ABCB10: variants seen among roughly 807,000 people sequenced by gnomAD.
The protein encoded by ABCB10 is ATP-binding cassette sub-family B member 10, mitochondrial.
Under a neutral mutation model 65.4 loss-of-function variants are expected in ABCB10, and 54 were observed. The ratio of observed to expected loss-of-function variants is 0.83; its 90% CI spans 0.66 to 1.04. ABCB10 has a LOEUF of 1.04. ABCB10 is among the 50% of genes least tolerant of loss of function. ABCB10 has a pLI of 0.00. For missense variants in ABCB10, 846 were observed against 976.6 expected (o/e 0.87, Z 1.78); for synonymous variants, 418 against 406.5 (o/e 1.03, Z -0.34).
chr1:229,518,539 T>C (rs1662231276), intron 12 of ABCB10, 129 bp from the exon 13 acceptor site: 1 of 754,550 alleles, frequency 1.3e-6, no homozygotes, highest in Non-Finnish European at 2.2e-6. Flanking sequence ...TTTAGGACTT[T>C]CTGATCTCCA....
In ABCB10 at chr1:229,516,813, T is replaced by G. The variant is rs1662186323; in HGVS notation, c.*1366A>C. 1 of 152,222 alleles carries G rather than the reference T, an allele frequency of 6.6e-6. No homozygotes were observed. Among genetic ancestry groups the G allele is most frequent in the South Asian group, 2.1e-4 (1 of 4,838 alleles). 9.4% of individuals were successfully genotyped at this position (152,222 alleles called of 1,614,324 possible). A position where few individuals can be genotyped will look rare whatever the true frequency, so the allele number is the denominator to read the frequency against. On this transcript the variant is annotated 3_prime_UTR_variant, in exon 13 of 13. Coordinates refer to ENST00000344517, the MANE Select transcript of ABCB10 (RefSeq NM_012089.3). ...TTGTTAAAAATGATTGTCACAGATG[T>G]ACTGTTTACTAATTCAAAGAACACT...
At chr1:229,523,162 C>A (rs73097802) in intron 10 of ABCB10, among the ~76,000 whole-genome samples, 2,627 of 152,256 alleles carry the variant, frequency 0.017, 81 homozygotes, top group African/African-American at 0.059. Context: ...AGTGAGGGAA[C>A]AAACTGGAAG....
rs755794373 is a variant in ABCB10, at chr1:229,531,781, ACTGGCC to A, written c.1340-56_1340-51del. ...ACACATGTCCATCACTGGCACTGGC[ACTGGCC>A]ACCACTCCTCTGAGAGGAGTGACAA... On this transcript the variant is annotated intron_variant, in intron 6 of 12. Coordinates refer to ENST00000344517, the MANE Select transcript of ABCB10 (RefSeq NM_012089.3). 98 of 1,375,940 alleles carry A rather than the reference ACTGGCC, an allele frequency of 7.1e-5. 1 individual carries two copies. In the Admixed American group the frequency reaches 1.7e-3, roughly 24 times the overall value. The allele number at this position is 1,375,940 out of a possible 1,614,324, so 85.2% of individuals were successfully genotyped here. A position where few individuals can be genotyped will look rare whatever the true frequency, so the allele number is the denominator to read the frequency against.
chr1:229,530,356 G>A lies in ABCB10; in HGVS notation c.1488C>T (p.Asn496=), dbSNP rs763803057. ...GGCGAGCTGGATAGGCAAAATGCAC[G>A]TTCTTAAACTCCAAAGCACCCTGGA... The part of the protein sequence containing the change: ...KSFQGALEFK[N]VHFAYPARPE... The change falls in exon 8 of 13, where the codon AAC becomes AAT. Residue 496 remains asparagine, a synonymous_variant. Coordinates refer to ENST00000344517, the MANE Select transcript of ABCB10 (RefSeq NM_012089.3). 45 of 1,614,060 alleles carry A rather than the reference G, an allele frequency of 2.8e-5. No individual in the cohort carries two copies. The highest frequency in any genetic ancestry group is 3.5e-5 in the Non-Finnish European group (41 of 1,180,046).
intron 1 of ABCB10, among the ~76,000 whole-genome samples, chr1:229,549,712 C>A (rs1162166588): frequency 2.0e-5 from 3 of 152,166 alleles, no homozygotes; most frequent in Non-Finnish European, 4.4e-5. Context: ...CCAAGAAAAA[C>A]TGGGAGCCAA....
At chr1:229,520,878 G>A (rs943503365) in intron 11 of ABCB10, among the ~76,000 whole-genome samples, 3 of 152,166 alleles carry the variant, frequency 2.0e-5, no homozygotes, top group Non-Finnish European at 2.9e-5. Flanking sequence ...AAGTAGATTC[G>A]TGGCATCCTG....
intron 6 of ABCB10, among the ~76,000 whole-genome samples, chr1:229,536,942 GGAAAAAAGAAAA>G (rs1019639509): frequency 4.0e-5 from 6 of 149,254 alleles, no homozygotes; most frequent in African/African-American, 1.5e-4. Context: ...CCCTGTCTCA[GGAAAAAAGAAAA>G]GAAAAAAAAA....
chr1:229,530,912 T>C (rs1034222787), intron 7 of ABCB10, among the ~76,000 whole-genome samples: 1 of 152,240 alleles, frequency 6.6e-6, no homozygotes, highest in African/African-American at 2.4e-5. Flanking sequence ...CAGAGGTCTG[T>C]TCTGCCCTGG....
intron 5 of ABCB10, 72 bp from the exon 6 acceptor site, chr1:229,539,663 C>A: frequency 6.7e-7 from 1 of 1,502,562 alleles, no homozygotes; most frequent in Non-Finnish European, 9.0e-7. Context: ...TGAACACGGC[C>A]TGTAATGTCC....
At position 229,558,372 on chromosome 1, in the gene ABCB10, G is replaced by T; in HGVS notation, c.281C>A (p.Ala94Asp). 2 of 1,252,596 alleles carry T rather than the reference G, an allele frequency of 1.6e-6. No individual in the cohort carries two copies. Among genetic ancestry groups the T allele is most frequent in the South Asian group, 2.0e-5 (1 of 50,800 alleles). 77.6% of individuals were successfully genotyped at this position (1,252,596 alleles called of 1,614,324 possible). ...GCACCTGCAGCTGCCGGGGCCGCGA[G>T]CCCACAGCCCCAGGAGCCGCGCGAG... ...LGLARLLGLW[A>D]RGPGSCRCGA... is the part of the protein sequence containing the mutation. Residue 94 changes from alanine (A) to aspartate (D), a missense_variant, in exon 1 of 13, where the codon GCT becomes GAT. This residue lies in a region of ABCB10 where 214 missense variants were observed against 173.5 expected (regional missense o/e 1.23). Transcript: ENST00000344517.
rs1250299930 is a variant in ABCB10, at chr1:229,518,171, T to C, written c.*8A>G. The C allele has an allele frequency of 1.9e-6, 3 of 1,604,802 alleles. No individual in the cohort carries two copies. Among genetic ancestry groups the C allele is most frequent in the East Asian group, 2.2e-5 (1 of 44,832 alleles). On this transcript the variant is annotated 3_prime_UTR_variant, in exon 13 of 13. Coordinates refer to ENST00000344517, the MANE Select transcript of ABCB10 (RefSeq NM_012089.3). ...AAAGTCTCATATTGTTTACCAGTAA[T>C]TGCTTCCTTATGCTGAAATAAAACT... is the stretch of plus-strand genomic sequence containing the variant.
At chr1:229,526,473 T>C (rs933203293) in intron 9 of ABCB10, among the ~76,000 whole-genome samples, 3 of 152,216 alleles carry the variant, frequency 2.0e-5, no homozygotes, top group Non-Finnish European at 4.4e-5. Flanking sequence ...GAACAAACAA[T>C]TCTGACAGAA....
chr1:229,527,797 G>T (rs1386150566), intron 8 of ABCB10, among the ~76,000 whole-genome samples: 1 of 152,232 alleles, frequency 6.6e-6, no homozygotes, highest in African/African-American at 2.4e-5. Context: ...CAGCTACCTT[G>T]AAGGCCTGGT....
intron 9 of ABCB10, among the ~76,000 whole-genome samples, chr1:229,526,765 G>A (rs1662455096): frequency 1.3e-5 from 2 of 152,234 alleles, no homozygotes; most frequent in African/African-American, 4.8e-5. Context: ...CCTTATCAAA[G>A]TGACCACATT....
At chr1:229,546,910 A>T (rs952808526) in intron 3 of ABCB10, among the ~76,000 whole-genome samples, 19 of 152,114 alleles carry the variant, frequency 1.2e-4, no homozygotes, top group Non-Finnish European at 2.5e-4. Context: ...AAAAAAAATT[A>T]ATCTCATTGG....
chr1:229,526,469 A>T (rs1662447158), intron 9 of ABCB10, among the ~76,000 whole-genome samples: 1 of 152,234 alleles, frequency 6.6e-6, no homozygotes, highest in African/African-American at 2.4e-5. Flanking sequence ...ATGGGAACAA[A>T]CAATTCTGAC....
chr1:229,539,580 G>A lies in ABCB10; in HGVS notation c.1215C>T (p.Ser405=), dbSNP rs537320556. ...GGACAGAAAGCACGATCAGGTTTCCGGAGAGCCCAGTCTGTCGAATGAAGA... is the reference window on the plus strand; with the variant it reads ...GGACAGAAAGCACGATCAGGTTTCCAGAGAGCCCAGTCTGTCGAATGAAGA... ...RAGFFGATGL[S]GNLIVLSVLY... Residue 405 remains serine, a synonymous_variant, in exon 6 of 13, where the codon TCC becomes TCT. Transcript: ENST00000344517. The A allele has an allele frequency of 9.9e-6, 16 of 1,613,450 alleles. No homozygotes were observed. The highest frequency in any genetic ancestry group is 8.9e-5 in the East Asian group (4 of 44,878).
chr1:229,521,431 A>G (rs1225508406), intron 11 of ABCB10, among the ~76,000 whole-genome samples, 161 bp downstream of exon 11: 2 of 151,834 alleles, frequency 1.3e-5, no homozygotes, highest in Non-Finnish European at 2.9e-5. Flanking sequence ...AATATACTAC[A>G]CTAACTTACC....
chr1:229,526,357 A>T (rs1342337587), intron 9 of ABCB10, among the ~76,000 whole-genome samples: 2 of 152,234 alleles, frequency 1.3e-5, no homozygotes, highest in East Asian at 3.9e-4. Flanking sequence ...AGGCACCAGG[A>T]GACCCCAAGT....
Sources: allele counts gnomAD v4.1 joint callset (sites outside exome capture counted in the v4.1 genomes callset), GRCh38; gene constraint gnomAD v4.1.1; regional missense constraint gnomAD v4.1.1; transcripts MANE v1.5; gene names NCBI Gene and HGNC (gene_info 2026-07-23, HGNC 2026-07-21).